Variants in SURF2 observed in about 807,000 individuals in gnomAD.
SURF2 encodes surfeit locus protein 2.
Under a neutral mutation model 26.2 loss-of-function variants are expected in SURF2, and 32 were observed. The observed-to-expected ratio is 1.22, with a 90% confidence interval of 0.92 to 1.64. The LOEUF is 1.64. SURF2 is among the 40% of genes most tolerant of loss of function. The probability of loss-of-function intolerance (pLI) is 0.00; values close to 1 mark genes in which losing one functional copy is unlikely to be tolerated. For synonymous variants in SURF2, 173 were observed against 139.1 expected (o/e 1.24, Z -1.71); for missense variants, 415 against 341.6 (o/e 1.21, Z -1.69).
At chr9:133,360,572 G>C in intron 5 of SURF2, 138 bp downstream of exon 5, 1 of 1,166,486 alleles carries the variant, frequency 8.6e-7, no homozygotes, top group Non-Finnish European at 1.2e-6. Flanking sequence ...TAGAAGCCGA[G>C]GCCGCTGGCT....
Position 133,356,996 on chromosome 9 carries a change from G to A in SURF2, c.161G>A (p.Arg54Gln). The change falls in exon 2 of 6, where the codon CGG becomes CAG. Residue 54 changes from arginine to glutamine, a missense_variant. Coordinates refer to ENST00000371964, the MANE Select transcript of SURF2 (RefSeq NM_017503.5). ...TACACCCGCGGCAAAAAGTACCAGC[G>A]GCTGGTCCGCGCCTCCCCGGCCTTC... ...QVYTRGKKYQ[R>Q]LVRASPAFDY... 1.3e-6 allele frequency: 2 copies of A among 1,569,688 alleles called. No individual in the cohort carries two copies. The highest frequency in any genetic ancestry group is 1.7e-6 in the Non-Finnish European group (2 of 1,158,412).
chr9:133,356,791 G>T, intron 1 of SURF2, 121 bp downstream of exon 1: 1 of 1,414,764 alleles, frequency 7.1e-7, no homozygotes, highest in Non-Finnish European at 9.3e-7. Flanking sequence ...CAGGAGAGAG[G>T]GGAGGGCAGG....
rs2130055345 is a variant in SURF2 at position 133,360,910 on chromosome 9, G to A, written c.688-146G>A. The A allele has an allele frequency of 2.6e-5, 21 of 805,410 alleles. 1 individual carries two copies. The East Asian group carries it at 4.7e-4, about 18-fold the overall frequency. The allele number at this position is 805,410 out of a possible 1,614,324, so 49.9% of individuals were successfully genotyped here. A position where few individuals can be genotyped will look rare whatever the true frequency, so the allele number is the denominator to read the frequency against. The stretch of plus-strand genomic sequence containing the variant: ...CTGAGCGGGGTCTAATCCTGCAGCT[G>A]TTAAGGAAACGGGGGTGGAGAAAGC... On this transcript the variant is annotated intron_variant, in intron 5 of 5. Coordinates refer to ENST00000371964, the MANE Select transcript of SURF2 (RefSeq NM_017503.5).
chr9:133,357,688 A>C, intron 2 of SURF2, 23 bp from the exon 3 acceptor site: 1 of 1,611,234 alleles, frequency 6.2e-7, no homozygotes, highest in Non-Finnish European at 8.5e-7. Flanking sequence ...TGTCCCTACA[A>C]ATTTGGTCTC....
At chr9:133,357,305 G>A (rs1175673576) in intron 2 of SURF2, 4 of 526,204 alleles carry the variant, frequency 7.6e-6, no homozygotes, top group Non-Finnish European at 1.3e-5. Flanking sequence ...AGAGGCTTGT[G>A]ATTTGTCACC....
chr9:133,356,551 T>G lies in SURF2; in HGVS notation c.-42T>G. 2.0e-6 allele frequency: 3 copies of G among 1,501,298 alleles called. No homozygotes were observed. Among genetic ancestry groups the G allele is most frequent in the Non-Finnish European group, 2.6e-6 (3 of 1,133,202 alleles). The allele number at this position is 1,501,298 out of a possible 1,614,324, so 93.0% of individuals were successfully genotyped here. On this transcript the variant is annotated 5_prime_UTR_variant, in exon 1 of 6. Coordinates refer to ENST00000371964, the MANE Select transcript of SURF2 (RefSeq NM_017503.5). ...GAGCCCCGCCCCCGGCTCCAGGTTC[T>G]GCGAGCGGCTTCCGCCGGGCTGCTC...
intron 5 of SURF2, 47 bp from the exon 6 acceptor site, chr9:133,361,009 C>T (rs1200381221): frequency 2.5e-6 from 4 of 1,605,156 alleles, no homozygotes; most frequent in Admixed American, 3.3e-5. Context: ...GCCCCTTCTC[C>T]ATGGGATCAG....
In SURF2 at chr9:133,357,046, A is replaced by G; in HGVS notation, c.211A>G (p.Ile71Val). Residue 71 changes from isoleucine to valine, a missense_variant, in exon 2 of 6, where the codon ATC becomes GTC. Ile to Val is a conservative substitution (Grantham distance 29). Transcript: ENST00000371964. ...CGACTATGCAGAGTTCGAGCCGCAC[A>G]TCGTGCCCAGCACCAAGAACCCGTA... is the stretch of plus-strand genomic sequence containing the variant. ...AFDYAEFEPH[I>V]VPSTKNPHQL... 2.5e-6 allele frequency: 4 copies of G among 1,580,438 alleles called. No individual in the cohort carries two copies. The highest frequency in any genetic ancestry group is 3.4e-6 in the Non-Finnish European group (4 of 1,164,840).
At chr9:133,360,462 G>T in intron 5 of SURF2, 28 bp downstream of exon 5, 1 of 1,564,844 alleles carries the variant, frequency 6.4e-7, no homozygotes, top group South Asian at 1.2e-5. Context: ...CTGTTAGTGT[G>T]GCAGTGGCTT....
intron 5 of SURF2, 152 bp downstream of exon 5, chr9:133,360,586 G>A (rs1232476375): frequency 8.6e-6 from 9 of 1,050,202 alleles, no homozygotes; most frequent in Admixed American, 3.0e-5. Flanking sequence ...GCTGGCTGGC[G>A]GAAGGCCGTG....
intron 2 of SURF2, among the ~76,000 whole-genome samples, chr9:133,357,385 G>T (rs1440144524): frequency 6.6e-6 from 1 of 152,234 alleles, no homozygotes; most frequent in African/African-American, 2.4e-5. Flanking sequence ...TGGGAGCTAG[G>T]CTTTGTAATA....
chr9:133,357,659 C>T (rs2130035215), intron 2 of SURF2, 52 bp from the exon 3 acceptor site: 1 of 1,568,632 alleles, frequency 6.4e-7, no homozygotes, highest in African/African-American at 1.3e-5. Context: ...AGCCACCAGT[C>T]TGAATCCTTG....
At chr9:133,357,615 C>A in intron 2 of SURF2, 96 bp from the exon 3 acceptor site, 1 of 1,200,620 alleles carries the variant, frequency 8.3e-7, no homozygotes, top group Non-Finnish European at 1.2e-6. Context: ...GTCCAAGCCG[C>A]ATGGTAGACT....
At chr9:133,357,966 G>A in intron 3 of SURF2, 152 bp downstream of exon 3, 1 of 721,682 alleles carries the variant, frequency 1.4e-6, no homozygotes, top group Non-Finnish European at 2.3e-6. Flanking sequence ...AGGGATGATG[G>A]CCCCTGACCC....
rs2130053123 is a variant in SURF2 at position 133,360,576 on chromosome 9, G to A, written c.687+142G>A. 0.014 allele frequency: 15,730 copies of A among 1,131,270 alleles called. 1,338 individuals are homozygous for A. The African/African-American group carries it at 0.2, about 14-fold the overall frequency. 70.1% of individuals were successfully genotyped at this position (1,131,270 alleles called of 1,614,324 possible). Reference sequence around the variant, plus strand: ...CACAAGAACCATAGAAGCCGAGGCCGCTGGCTGGCGGAAGGCCGTGAGTGC... The same window carrying A: ...CACAAGAACCATAGAAGCCGAGGCCACTGGCTGGCGGAAGGCCGTGAGTGC... On this transcript the variant is annotated intron_variant, in intron 5 of 5. Transcript: ENST00000371964.
intron 3 of SURF2, among the ~76,000 whole-genome samples, chr9:133,359,533 G>A (rs1588696929): frequency 6.6e-6 from 1 of 152,226 alleles, no homozygotes; most frequent in East Asian, 1.9e-4. Flanking sequence ...CCCGCCCTCC[G>A]GGACGGGGTC....
intron 3 of SURF2, among the ~76,000 whole-genome samples, chr9:133,358,980 G>A (rs2130041090): frequency 1.3e-5 from 2 of 152,200 alleles, no homozygotes; most frequent in African/African-American, 2.4e-5. Context: ...AGTAGAAGGC[G>A]GGCACCTTGC....
intron 5 of SURF2, 99 bp downstream of exon 5, chr9:133,360,533 A>G (rs912907081): frequency 3.7e-6 from 5 of 1,369,334 alleles, no homozygotes; most frequent in African/African-American, 1.5e-5. Flanking sequence ...TCACAAGTGA[A>G]ATCCCAAGCC....
At position 133,360,320 on chromosome 9, in the gene SURF2, T is replaced by A. The variant is rs1836730010; in HGVS notation, c.573T>A (p.Asp191Glu). Residue 191 changes from aspartate (D) to glutamate (E), a missense_variant, in exon 5 of 6, where the codon GAT becomes GAA. By Grantham distance (45) the Asp-to-Glu change is conservative. Transcript: ENST00000371964. ...GCACGGAGGATGGGGATGGCACTGA[T>A]GACTTTTTGACAGACAAAGAGGATG... ...LGSTEDGDGT[D>E]DFLTDKEDEK... 2 of 1,614,120 alleles carry A rather than the reference T, an allele frequency of 1.2e-6. No individual in the cohort carries two copies. The highest frequency in any genetic ancestry group is 1.7e-6 in the Non-Finnish European group (2 of 1,180,018).
Sources: gnomAD v4.1 joint callset for allele counts (sites outside exome capture counted in the v4.1 genomes callset) on GRCh38, gnomAD v4.1.1 for gene constraint, MANE v1.5 for transcripts, NCBI Gene and HGNC (gene_info 2026-07-23, HGNC 2026-07-21) for gene names.